The following TTC34 variants were observed in gnomAD, a reference collection of about 807,000 sequenced individuals.
TTC34 encodes the protein tetratricopeptide repeat protein 34.
In TTC34, 44 loss-of-function variants were observed where a neutral mutation model predicts 40.7. The observed-to-expected ratio is 1.08, with a 90% CI of 0.85 to 1.39. The LOEUF is 1.39. Among genes scored for constraint, TTC34 ranks in the 40% most tolerant of loss-of-function variants. The probability of loss-of-function intolerance (pLI) is 0.00; values close to 1 mark genes in which losing one functional copy is unlikely to be tolerated. For missense variants in TTC34, 884 were observed against 838.0 expected (o/e 1.05, Z -0.68); for synonymous variants, 422 against 398.6 (o/e 1.06, Z -0.70).
At position 2,796,470 on chromosome 1, in the gene TTC34, T is replaced by C. The variant is rs1368586716; in HGVS notation, c.784+3574A>G. Among the ~76,000 whole-genome samples, 1 of 152,198 alleles carries C rather than the reference T, an allele frequency of 6.6e-6. No individual in the cohort carries two copies. Among genetic ancestry groups the C allele is most frequent in the African/African-American group, 2.4e-5 (1 of 41,456 alleles). ...CACAATTCTTAGGGCAGGTGTTCCC[T>C]GTACACACCAGAGCCACGGCAGACA... On this transcript the variant is annotated intron_variant, in intron 2 of 8. Transcript: ENST00000401095. The surrounding 1 kb of genome is among the most constrained non-coding windows in gnomAD (Gnocchi z 4.5).
At chr1:2,750,760 C>T (rs1315262964) in intron 6 of TTC34, among the ~76,000 whole-genome samples, 3 of 134,994 alleles carry the variant, frequency 2.2e-5, no homozygotes, top group African/African-American at 6.1e-5. Context: ...TGGAGCAGCA[C>T]GCATAAACAC....
chr1:2,768,272 G>A (rs1020835774), intron 6 of TTC34, among the ~76,000 whole-genome samples: 1 of 152,106 alleles, frequency 6.6e-6, no homozygotes, highest in African/African-American at 2.4e-5. Context: ...CTCACCTGGG[G>A]ATGGAAGGTG....
chr1:2,673,399 C>G (rs560759694), intron 6 of TTC34, among the ~76,000 whole-genome samples: 2 of 79,372 alleles, frequency 2.5e-5, no homozygotes, highest in East Asian at 2.8e-4. Context: ...CCCACACCCC[C>G]AGGTGAGCAT....
At chr1:2,641,464 T>G (rs1157414801) in exon 9 of TTC34, 11 of 1,535,528 alleles carry the variant, frequency 7.2e-6, no homozygotes, top group African/African-American at 1.4e-5. Flanking sequence ...GGCCGCTCTC[T>G]ACCGCCGTCC....
At chr1:2,748,186 A>G in intron 6 of TTC34, among the ~76,000 whole-genome samples, 1 of 55,994 alleles carries the variant, frequency 1.8e-5, no homozygotes, top group Non-Finnish European at 3.1e-5. Flanking sequence ...GAACCAACGG[A>G]GCAGAACCCA....
chr1:2,752,030 G>A (rs1174504224), intron 6 of TTC34, among the ~76,000 whole-genome samples: 1 of 94,774 alleles, frequency 1.1e-5, no homozygotes, highest in East Asian at 3.9e-4. Context: ...GCATCTGACA[G>A]CGTGGAGCAG....
At chr1:2,683,689 T>G (rs1258366241) in intron 6 of TTC34, among the ~76,000 whole-genome samples, 3 of 135,456 alleles carry the variant, frequency 2.2e-5, no homozygotes, top group Admixed American at 7.5e-5. Flanking sequence ...GGTGACGATC[T>G]GACAGCCTGG....
At chr1:2,790,337 C>G in exon 3 of TTC34, 1 of 398,422 alleles carries the variant, frequency 2.5e-6, no homozygotes. Context: ...CAGGGCGGCT[C>G]GGCGCTCACC....
At chr1:2,752,369 AC>A (rs1641349930) in intron 6 of TTC34, among the ~76,000 whole-genome samples, 1 of 130,606 alleles carries the variant, frequency 7.7e-6, no homozygotes, top group African/African-American at 3.2e-5. Context: ...CAGCACCCAC[AC>A]CCCCAGGCGA....
intron 6 of TTC34, among the ~76,000 whole-genome samples, chr1:2,652,479 C>G (rs1447429707): frequency 9.3e-5 from 14 of 150,820 alleles, no homozygotes; most frequent in Admixed American, 2.0e-4. Flanking sequence ...GGAGCAGAAC[C>G]CACACCCCCA....
At chr1:2,748,210 G>C (rs1345920612) in intron 6 of TTC34, among the ~76,000 whole-genome samples, 1 of 93,094 alleles carries the variant, frequency 1.1e-5, no homozygotes, top group Non-Finnish European at 2.0e-5. Context: ...CCCCAGGCGA[G>C]CATCTGACAG....
chr1:2,654,045 C>G (rs1472524433), intron 6 of TTC34, among the ~76,000 whole-genome samples: 1 of 151,962 alleles, frequency 6.6e-6, no homozygotes, highest in Non-Finnish European at 1.5e-5. Context: ...GAGCAGTGCC[C>G]ACACCACCAG....
At chr1:2,699,367 C>A (rs1392290258) in intron 6 of TTC34, among the ~76,000 whole-genome samples, 2 of 32,400 alleles carry the variant, frequency 6.2e-5, no homozygotes, top group Non-Finnish European at 8.9e-5. Context: ...AACAGCACCG[C>A]ACACCCGCAG....
At chr1:2,789,200 A>G (rs988594928) in intron 3 of TTC34, among the ~76,000 whole-genome samples, 4 of 152,230 alleles carry the variant, frequency 2.6e-5, no homozygotes, top group Admixed American at 2.6e-4. Flanking sequence ...GGGAATCGTC[A>G]TGACCTATTG....
intron 6 of TTC34, among the ~76,000 whole-genome samples, chr1:2,688,001 C>T (rs1330077485): frequency 2.8e-5 from 3 of 107,440 alleles, no homozygotes; most frequent in African/African-American, 6.8e-5. Flanking sequence ...GGAACAGGAC[C>T]CACACCCCCA....
chr1:2,786,688 C>T (rs1269049280), intron 4 of TTC34, among the ~76,000 whole-genome samples: 3 of 152,182 alleles, frequency 2.0e-5, no homozygotes, highest in South Asian at 2.1e-4. Flanking sequence ...GTCCTTCAGA[C>T]GACGCGGAGC....
chr1:2,691,589 G>A (rs1301372622), intron 6 of TTC34, among the ~76,000 whole-genome samples: 4 of 129,224 alleles, frequency 3.1e-5, no homozygotes, highest in African/African-American at 8.2e-5. Flanking sequence ...ACATGCCCAG[G>A]TGAGACCCTG....
chr1:2,684,385 A>G (rs1322376843), intron 6 of TTC34, among the ~76,000 whole-genome samples: 3 of 151,660 alleles, frequency 2.0e-5, no homozygotes, highest in Admixed American at 6.5e-5. Flanking sequence ...AGCCTGGAAC[A>G]GAATCCACAC....
intron 6 of TTC34, among the ~76,000 whole-genome samples, chr1:2,694,987 C>CA: frequency 6.9e-6 from 1 of 145,852 alleles, no homozygotes; most frequent in South Asian, 2.2e-4. Context: ...GAGCAGCACC[C>CA]TGCACCCCCA....
Sources: gnomAD v4.1 joint callset for allele counts (sites outside exome capture counted in the v4.1 genomes callset) on GRCh38, gnomAD v4.1.1 for gene constraint, Gnocchi (gnomAD v3.1) non-coding constraint, MANE v1.5 for transcripts, NCBI Gene and HGNC (gene_info 2026-07-23, HGNC 2026-07-21) for gene names.